Variants in TFIP11 observed in about 807,000 individuals in gnomAD.
The protein encoded by TFIP11 is tuftelin interacting protein 11, also known as tuftelin-interacting protein 11.
TFIP11 carries 86 observed loss-of-function variants against 96.8 expected under a neutral mutation model. That is an observed-to-expected ratio of 0.89 (90% CI 0.75 to 1.06). The LOEUF (loss-of-function observed/expected upper bound fraction) is 1.06, where lower values mean the gene tolerates loss of function less well. TFIP11 is among the 50% of genes least tolerant of loss of function. The pLI, the probability that TFIP11 is intolerant of heterozygous loss-of-function variation, is 0.00. For synonymous variants in TFIP11, 405 were observed against 395.2 expected (o/e 1.02, Z -0.29); for missense variants, 881 against 1,076.7 (o/e 0.82, Z 2.54).
At chr22:26,501,694 G>A (rs1922802695) in intron 8 of TFIP11, among the ~76,000 whole-genome samples, 1 of 147,410 alleles carries the variant, frequency 6.8e-6, no homozygotes, top group African/African-American at 2.5e-5. Context: ...ACTAAATATG[G>A]GAGTGTAATG....
chr22:26,505,717 T>TA (rs1459993412), intron 6 of TFIP11, among the ~76,000 whole-genome samples: 1 of 148,678 alleles, frequency 6.7e-6, no homozygotes, highest in East Asian at 2.1e-4. Flanking sequence ...TTTATTTATT[T>TA]ATTTATTTAT....
Position 26,506,815 on chromosome 22 carries a change from TC to T in TFIP11, c.322del (p.Asp108ThrfsTer12), listed in dbSNP as rs760297982. The stretch of plus-strand genomic sequence containing the variant: ...TGGTCCAAAATCCTTAGGAAAGTCG[TC>T]CTGCTTAACAGGTTTCTCTTCGTCA... ...SDDEEKPVKQ[D>X]DFPKDFGPRK... On this transcript the variant is annotated frameshift_variant, in exon 5 of 15. Transcript: ENST00000407690. LOFTEE classifies it high-confidence loss of function. 1 of 1,614,212 alleles carries T rather than the reference TC, an allele frequency of 6.2e-7. No homozygotes were observed.
At chr22:26,495,977 T>C (rs1443705458) in intron 12 of TFIP11, 96 bp downstream of exon 12, 2 of 1,510,222 alleles carry the variant, frequency 1.3e-6, no homozygotes, top group Middle Eastern at 2.0e-4. Context: ...AGCACTTTCA[T>C]GAACATAAAG....
rs181433061 is a variant in TFIP11, at chr22:26,496,892, A to G, written c.1437-3T>C. 6.5e-5 allele frequency: 105 copies of G among 1,613,780 alleles called. No individual in the cohort carries two copies. In the African/African-American group the frequency reaches 1.2e-3, roughly 18 times the overall value. On this transcript the variant is annotated splice_region_variant and splice_polypyrimidine_tract_variant and intron_variant, in intron 10 of 14. Transcript: ENST00000407690. ...GCATCCAGACTTCCCATATCAACCT[A>G]TGGGAGAAAGGCAGAGGACAGGCTG... is the stretch of plus-strand genomic sequence containing the variant.
intron 14 of TFIP11, chr22:26,493,435 T>C (rs943739005): frequency 2.6e-5 from 4 of 152,306 alleles, no homozygotes; most frequent in Non-Finnish European, 5.9e-5. Flanking sequence ...GCTGGGCTTA[T>C]CTGTAAAACA....
Position 26,503,690 on chromosome 22 carries a change from A to G in TFIP11, c.624T>C (p.Val208=). The G allele has an allele frequency of 6.2e-7, 1 of 1,614,122 alleles. No individual in the cohort carries two copies. ...TTQSMQDFPV[V]DSEEEAEEEF... ...CCTCTTCAGCTTCTTCCTCTGAGTC[A>G]ACCACAGGGAAGTCTTGCATGGACT... The change falls in exon 7 of 15, where the codon GTT becomes GTC. Residue 208 remains valine (V), a synonymous_variant. Transcript: ENST00000407690.
chr22:26,492,240 C>G lies in TFIP11; in HGVS notation c.2287G>C (p.Gly763Arg). 6.2e-7 allele frequency: 1 copy of G among 1,614,212 alleles called. No homozygotes were observed. The highest frequency in any genetic ancestry group is 8.5e-7 in the Non-Finnish European group (1 of 1,180,036). ...EAENMAQRGI[G>R]VAASSVPMNF... ...ATGGGCACAGAGCTAGCGGCCACGC[C>G]AATGCCCCTCTGAGCCATGTTCTCA... The change falls in exon 15 of 15, where the codon GGC becomes CGC. Residue 763 changes from glycine (G) to arginine (R), a missense_variant. Transcript: ENST00000407690.
In TFIP11 at chr22:26,494,952, C is replaced by G. The variant is rs766402602; in HGVS notation, c.1850-13G>C. 1 of 1,614,092 alleles carries G rather than the reference C, an allele frequency of 6.2e-7. No homozygotes were observed. Among genetic ancestry groups the G allele is most frequent in the East Asian group, 2.2e-5 (1 of 44,892 alleles). On this transcript the variant is annotated splice_polypyrimidine_tract_variant and intron_variant, in intron 12 of 14. Coordinates refer to ENST00000407690, the MANE Select transcript of TFIP11 (RefSeq NM_012143.4). ...CCAAGACACATCCCTGGAAGAGAAA[C>G]CCGGTCTGTAAGGCACAGCTTTAGT...
At chr22:26,510,004 CT>C in intron 4 of TFIP11, 59 bp downstream of exon 4, 1 of 1,570,808 alleles carries the variant, frequency 6.4e-7, no homozygotes, top group Admixed American at 1.7e-5. Context: ...CCTCCACTCC[CT>C]GTCCATCTTC....
At chr22:26,495,293 TTTG>T (rs1569156609) in intron 12 of TFIP11, among the ~76,000 whole-genome samples, 1 of 125,956 alleles carries the variant, frequency 7.9e-6, no homozygotes, top group Non-Finnish European at 1.7e-5. Context: ...TTTTTTTTTT[TTTG>T]TTGAGACAGG....
chr22:26,501,888 G>A lies in TFIP11; in HGVS notation c.801+12C>T. 1 of 1,601,728 alleles carries A rather than the reference G, an allele frequency of 6.2e-7. No individual in the cohort carries two copies. On this transcript the variant is annotated intron_variant, in intron 8 of 14. Coordinates refer to ENST00000407690, the MANE Select transcript of TFIP11 (RefSeq NM_012143.4). ...TGTGGATCCTGTACCAGGTGTCCAA[G>A]GGCCCCTGTACCTTGACTTGAGAAA... is the stretch of plus-strand genomic sequence containing the variant.
chr22:26,496,043 G>A (rs1569157273), intron 12 of TFIP11, 30 bp downstream of exon 12: 1 of 1,604,932 alleles, frequency 6.2e-7, no homozygotes, highest in Non-Finnish European at 8.5e-7. Context: ...AAAGCTGCTG[G>A]GCTTGGAATG....
chr22:26,505,384 A>T (rs891709638), intron 6 of TFIP11, among the ~76,000 whole-genome samples: 1 of 152,184 alleles, frequency 6.6e-6, no homozygotes, highest in African/African-American at 2.4e-5. Context: ...GGCTCTAGCT[A>T]TTACAAAAAC....
intron 13 of TFIP11, 65 bp downstream of exon 13, chr22:26,494,732 G>C: frequency 6.2e-7 from 1 of 1,603,290 alleles, no homozygotes; most frequent in Non-Finnish European, 8.5e-7. Flanking sequence ...TCAGGCCTTG[G>C]CAGAAAATTA....
chr22:26,510,312 G>GT (rs764509470), intron 3 of TFIP11, 31 bp from the exon 4 acceptor site: 30 of 1,598,638 alleles, frequency 1.9e-5, no homozygotes, highest in East Asian at 4.5e-5. Flanking sequence ...AGCACAGGCC[G>GT]TAAGTCCTGG....
At chr22:26,492,575 T>C in intron 14 of TFIP11, 1 of 578,586 alleles carries the variant, frequency 1.7e-6, no homozygotes, top group Non-Finnish European at 3.1e-6. Context: ...GGCTAGTATC[T>C]AGTAACCAGA....
At chr22:26,506,249 C>T in intron 6 of TFIP11, 54 bp downstream of exon 6, 1 of 1,514,014 alleles carries the variant, frequency 6.6e-7, no homozygotes, top group South Asian at 1.3e-5. Flanking sequence ...CAACGCCCCT[C>T]TCCTTCCCTA....
chr22:26,492,110 C>A lies in TFIP11; in HGVS notation c.2417G>T (p.Arg806Leu). The A allele has an allele frequency of 6.2e-7, 1 of 1,613,982 alleles. No individual in the cohort carries two copies. The highest frequency in any genetic ancestry group is 8.5e-7 in the Non-Finnish European group (1 of 1,179,944). Residue 806 changes from arginine (R) to leucine (L), a missense_variant, in exon 15 of 15, where the codon CGC becomes CTC. Transcript: ENST00000407690. ...TCCCCGGTCGATGTAGATCACAATG[C>A]GGCCAAAGGTGTAGAGCTGCTTCCC... ...HEGKQLYTFGRIVIYIDRGVV... is the reference protein window; with the variant it reads ...HEGKQLYTFGLIVIYIDRGVV...
chr22:26,494,511 C>G (rs931606496), intron 13 of TFIP11: 1 of 715,602 alleles, frequency 1.4e-6, no homozygotes, highest in African/African-American at 1.8e-5. Flanking sequence ...TGTAAACTCT[C>G]TGAGCCTCAG....
Sources: allele counts gnomAD v4.1 joint callset (sites outside exome capture counted in the v4.1 genomes callset), GRCh38; gene constraint gnomAD v4.1.1; transcripts MANE v1.5; gene names NCBI Gene and HGNC (gene_info 2026-07-23, HGNC 2026-07-21).